TTC28: variants seen among roughly 807,000 people sequenced by gnomAD.
TTC28 encodes the protein tetratricopeptide repeat domain 28.
TTC28 carries 61 observed loss-of-function variants against 198.0 expected under a neutral mutation model. The observed-to-expected ratio is 0.31, with a 90% CI of 0.25 to 0.38. The LOEUF is 0.38. Among genes scored for constraint, TTC28 ranks in the 10% least tolerant of loss-of-function variants. TTC28 has a pLI of 1.00. For synonymous variants in TTC28, 1,171 were observed against 1,297.8 expected (o/e 0.90, Z 2.10); for missense variants, 2,678 against 3,164.0 (o/e 0.85, Z 3.69).
At chr22:28,144,377 T>G (rs1293838722) in intron 6 of TTC28, among the ~76,000 whole-genome samples, 1 of 152,246 alleles carries the variant, frequency 6.6e-6, no homozygotes, top group African/African-American at 2.4e-5. Context: ...GGAAGATGGT[T>G]TGGAAAGCTA....
chr22:28,037,115 T>C (rs1485480702), intron 12 of TTC28, among the ~76,000 whole-genome samples: 5 of 152,194 alleles, frequency 3.3e-5, no homozygotes, highest in African/African-American at 1.2e-4. Context: ...CCATTCCTTC[T>C]GAAACTATTC....
chr22:28,093,936 T>C (rs1215739151), intron 12 of TTC28, 144 bp downstream of exon 12: 2 of 824,246 alleles, frequency 2.4e-6, no homozygotes, highest in East Asian at 2.8e-5. Flanking sequence ...CACATATTTG[T>C]TTCTGCTGCA....
At chr22:28,482,275 G>A (rs531286437) in intron 2 of TTC28, among the ~76,000 whole-genome samples, 4 of 131,038 alleles carry the variant, frequency 3.1e-5, no homozygotes, top group Non-Finnish European at 4.6e-5. Flanking sequence ...GCAGTGGCGC[G>A]ATCTCGGCTC....
intron 2 of TTC28, among the ~76,000 whole-genome samples, chr22:28,324,858 C>T (rs964974589): frequency 3.3e-5 from 5 of 152,208 alleles, no homozygotes; most frequent in Non-Finnish European, 7.3e-5. Context: ...CTCACCACTC[C>T]TATTCAACAT....
intron 5 of TTC28, among the ~76,000 whole-genome samples, chr22:28,207,741 C>A (rs1229928605): frequency 6.6e-6 from 1 of 152,144 alleles, no homozygotes; most frequent in Non-Finnish European, 1.5e-5. Flanking sequence ...TATTTTCTCT[C>A]CTTCAGGGAG....
chr22:28,209,829 G>T (rs1372219924), intron 5 of TTC28, among the ~76,000 whole-genome samples: 3 of 152,192 alleles, frequency 2.0e-5, no homozygotes, highest in African/African-American at 7.2e-5. Context: ...AAAACACACA[G>T]ACTGCCTCCT....
rs568834881 is a variant in TTC28, at chr22:28,139,704, C to CT, written c.1441+23387dup. On this transcript the variant is annotated intron_variant, in intron 6 of 22. Coordinates refer to ENST00000397906, the MANE Select transcript of TTC28 (RefSeq NM_001145418.2). ...CCTTAGCTTCTCTGAGCTGAAGTTC[C>CT]TTTTTTTTTTTTTTCCTAAACATTA... 2.4e-3 allele frequency among the ~76,000 whole-genome samples: 332 copies of CT among 140,758 alleles called. 1 individual carries two copies. Among genetic ancestry groups the CT allele is most frequent in the South Asian group, 0.012 (53 of 4,408 alleles). The allele number at this position is 140,758 out of a possible 152,430, so 92.3% of individuals were successfully genotyped here.
At chr22:28,596,239 G>A (rs1161882122) in intron 2 of TTC28, among the ~76,000 whole-genome samples, 1 of 152,098 alleles carries the variant, frequency 6.6e-6, no homozygotes, top group Non-Finnish European at 1.5e-5. Flanking sequence ...AACCAAAGTG[G>A]GGAAGAAATG....
intron 6 of TTC28, among the ~76,000 whole-genome samples, chr22:28,134,025 G>A (rs561388125): frequency 3.3e-5 from 5 of 152,158 alleles, no homozygotes; most frequent in South Asian, 2.1e-4. Flanking sequence ...CCAGAGGAAC[G>A]ATCAGGCAGC....
chr22:28,533,800 G>A lies in TTC28; in HGVS notation c.381+95752C>T, dbSNP rs916465443. On this transcript the variant is annotated intron_variant, in intron 2 of 22. Coordinates refer to ENST00000397906, the MANE Select transcript of TTC28 (RefSeq NM_001145418.2). The stretch of plus-strand genomic sequence containing the variant: ...TCTTTGACAAACCTGACAAAAACAA[G>A]AAATGGGGAAAGGATTCCCTATTTA... Among the ~76,000 whole-genome samples the A allele has an allele frequency of 1.2e-3, 189 of 152,262 alleles. 1 individual carries two copies. Among genetic ancestry groups the A allele is most frequent in the African/African-American group, 4.4e-3 (182 of 41,546 alleles).
chr22:28,373,164 T>C (rs1018331136), intron 2 of TTC28, among the ~76,000 whole-genome samples: 2 of 152,070 alleles, frequency 1.3e-5, no homozygotes, highest in African/African-American at 2.4e-5. Flanking sequence ...ATAAAAAATA[T>C]TTAGCAAGCA....
chr22:28,373,250 A>G (rs1038508016), intron 2 of TTC28, among the ~76,000 whole-genome samples: 4 of 151,622 alleles, frequency 2.6e-5, no homozygotes, highest in Non-Finnish European at 5.9e-5. Flanking sequence ...TGTTTTACAA[A>G]TGTTGAAAAA....
At chr22:28,396,827 C>T (rs568275113) in intron 2 of TTC28, among the ~76,000 whole-genome samples, 1 of 152,290 alleles carries the variant, frequency 6.6e-6, no homozygotes, top group African/African-American at 2.4e-5. Context: ...CACACAGCAA[C>T]CATGTGATAA....
At chr22:28,365,074 T>C (rs2046226548) in intron 2 of TTC28, among the ~76,000 whole-genome samples, 1 of 152,214 alleles carries the variant, frequency 6.6e-6, no homozygotes, top group African/African-American at 2.4e-5. Flanking sequence ...CACTGTTGTC[T>C]TAAGAAATTT....
At chr22:28,162,611 G>A (rs1470657807) in intron 6 of TTC28, among the ~76,000 whole-genome samples, 1 of 152,160 alleles carries the variant, frequency 6.6e-6, no homozygotes, top group African/African-American at 2.4e-5. Flanking sequence ...CACGATGACA[G>A]GAAGAATTGT....
At chr22:28,286,643 T>A (rs1431641076) in intron 5 of TTC28, among the ~76,000 whole-genome samples, 1 of 152,174 alleles carries the variant, frequency 6.6e-6, no homozygotes, top group Non-Finnish European at 1.5e-5. Flanking sequence ...ACATTACTTA[T>A]GTAATGATAA....
At chr22:28,662,607 C>CA (rs1459954056) in intron 1 of TTC28, among the ~76,000 whole-genome samples, 1 of 152,214 alleles carries the variant, frequency 6.6e-6, no homozygotes, top group Non-Finnish European at 1.5e-5. Flanking sequence ...ATAATAATCT[C>CA]AAACACCTAT....
chr22:28,035,129 G>T (rs781207068), intron 12 of TTC28, among the ~76,000 whole-genome samples: 12 of 152,138 alleles, frequency 7.9e-5, no homozygotes, highest in African/African-American at 2.9e-4. Flanking sequence ...GCTCCACAAG[G>T]CACACTTTTA....
At chr22:28,179,878 T>G (rs188489514) in intron 5 of TTC28, among the ~76,000 whole-genome samples, 1 of 152,234 alleles carries the variant, frequency 6.6e-6, no homozygotes, top group Non-Finnish European at 1.5e-5. Flanking sequence ...GTTGACACTA[T>G]CTAGTGATTC....
Sources: gnomAD v4.1 joint callset for allele counts (sites outside exome capture counted in the v4.1 genomes callset) on GRCh38, gnomAD v4.1.1 for gene constraint, MANE v1.5 for transcripts, NCBI Gene and HGNC (gene_info 2026-07-23, HGNC 2026-07-21) for gene names.